The following PRELID2 variants were observed in gnomAD, a reference collection of about 807,000 sequenced individuals.
PRELID2 encodes PRELI domain containing 2, also known as PRELI domain-containing protein 2.
A neutral mutation model predicts 28.4 loss-of-function variants in PRELID2; 25 were observed. The ratio of observed to expected loss-of-function variants is 0.88; its 90% CI spans 0.64 to 1.23. PRELID2 has a LOEUF of 1.23. PRELID2 is among the 50% of genes most tolerant of loss of function. The pLI is 0.00. For missense variants in PRELID2, 201 were observed against 214.4 expected, an observed-to-expected ratio of 0.94 and a Z score of 0.39; for synonymous variants, 76 against 71.6, an observed-to-expected ratio of 1.06 and a Z score of -0.31.
chr5:145,536,033 GA>G (rs1362008899), intron 1 of PRELID2, among the ~76,000 whole-genome samples: 5 of 151,828 alleles, frequency 3.3e-5, no homozygotes, highest in Non-Finnish European at 7.4e-5. Context: ...GAAGTGCAAT[GA>G]AAAAAATACT....
At chr5:145,394,468 A>G in the PRELID2 span, among the ~76,000 whole-genome samples, 4 of 151,880 alleles carry the variant, frequency 2.6e-5, no homozygotes, top group Non-Finnish European at 4.4e-5. Flanking sequence ...GCATTAGGTG[A>G]TATACCTAAT....
chr5:145,448,188 A>C, the PRELID2 span, among the ~76,000 whole-genome samples: 1 of 151,476 alleles, frequency 6.6e-6, no homozygotes, highest in Non-Finnish European at 1.5e-5. Context: ...ATGGTATCTC[A>C]TTGTGGTTTT....
At chr5:145,415,803 A>G in the PRELID2 span, among the ~76,000 whole-genome samples, 2 of 151,980 alleles carry the variant, frequency 1.3e-5, no homozygotes, top group African/African-American at 2.4e-5. Context: ...CCCACTAATG[A>G]GATGGCTGGG....
chr5:145,741,044 A>G (rs1194530606), intron 1 of PRELID2, among the ~76,000 whole-genome samples: 8 of 117,998 alleles, frequency 6.8e-5, no homozygotes, highest in Non-Finnish European at 1.1e-4. Flanking sequence ...ATATTTGTAT[A>G]CAAATAAAAT....
At chr5:145,581,475 C>T (rs146337724) in intron 1 of PRELID2, among the ~76,000 whole-genome samples, 9 of 152,052 alleles carry the variant, frequency 5.9e-5, no homozygotes, top group African/African-American at 2.2e-4. Flanking sequence ...AGACAAGTCT[C>T]TTGCAGGTTT....
chr5:145,653,241 T>C (rs1741665159), intron 1 of PRELID2, among the ~76,000 whole-genome samples: 1 of 152,162 alleles, frequency 6.6e-6, no homozygotes, highest in Non-Finnish European at 1.5e-5. Context: ...AGCACCCAGA[T>C]TTATAAAGCA....
downstream of PRELID2, among the ~76,000 whole-genome samples, chr5:145,468,759 GTTGT>G (rs1157464100): frequency 1.3e-5 from 2 of 152,106 alleles, no homozygotes; most frequent in East Asian, 1.9e-4. Flanking sequence ...ACTTGATGGG[GTTGT>G]TTGTTTGTTT....
intron 4 of PRELID2, among the ~76,000 whole-genome samples, chr5:145,801,145 T>C (rs556200975): frequency 6.6e-6 from 1 of 152,326 alleles, no homozygotes; most frequent in African/African-American, 2.4e-5. Context: ...ATGTATTCCT[T>C]TGGCCATCAC....
chr5:145,604,787 A>G (rs1156299921), intron 1 of PRELID2, among the ~76,000 whole-genome samples: 2 of 106,178 alleles, frequency 1.9e-5, no homozygotes, highest in East Asian at 2.6e-4. Context: ...AGTAAAAGCT[A>G]TTCTAACTGG....
rs114839523 is a variant in PRELID2 at position 145,796,258 on chromosome 5, C to T, written c.474+184G>A. 1.1e-3 allele frequency: 458 copies of T among 407,928 alleles called. 2 individuals carry two copies. Among genetic ancestry groups the T allele is most frequent in the African/African-American group, 8.9e-3 (428 of 48,102 alleles). 25.3% of individuals were successfully genotyped at this position (407,928 alleles called of 1,614,324 possible). On this transcript the variant is annotated intron_variant, in intron 5 of 6. Transcript: ENST00000683046. ...TTTTAATTTAATGAGCCATAAATGCCACTTTAGTTTTACTTTGATTTGAAT... is the reference window on the plus strand; with the variant it reads ...TTTTAATTTAATGAGCCATAAATGCTACTTTAGTTTTACTTTGATTTGAAT...
At chr5:145,741,424 T>G (rs1186435411) in intron 1 of PRELID2, among the ~76,000 whole-genome samples, 3 of 115,038 alleles carry the variant, frequency 2.6e-5, no homozygotes, top group Non-Finnish European at 4.8e-5. Flanking sequence ...TATAATTTAT[T>G]TATATATAAA....
chr5:145,808,915 T>C (rs1348109188), intron 4 of PRELID2, among the ~76,000 whole-genome samples: 2 of 151,992 alleles, frequency 1.3e-5, no homozygotes. Context: ...AAAAGAACAG[T>C]TTCTCATCTC....
chr5:145,566,969 CAT>C (rs569041258), intron 1 of PRELID2, among the ~76,000 whole-genome samples: 10 of 151,718 alleles, frequency 6.6e-5, no homozygotes, highest in Admixed American at 1.3e-4. Flanking sequence ...CTATAATAAA[CAT>C]GTATTATTTA....
intron 4 of PRELID2, among the ~76,000 whole-genome samples, chr5:145,800,335 C>CA (rs10677473): frequency 6.7e-6 from 1 of 150,156 alleles, no homozygotes; most frequent in Non-Finnish European, 1.5e-5. Context: ...CACACACACA[C>CA]GAGTTATCCC....
intron 1 of PRELID2, among the ~76,000 whole-genome samples, chr5:145,583,489 G>A (rs1753125545): frequency 6.6e-6 from 1 of 152,030 alleles, no homozygotes; most frequent in Non-Finnish European, 1.5e-5. Context: ...TAGAAAGAGA[G>A]GACATCAAAT....
At chr5:145,566,866 CAAGAGA>C in intron 1 of PRELID2, among the ~76,000 whole-genome samples, 1 of 148,316 alleles carries the variant, frequency 6.7e-6, no homozygotes, top group African/African-American at 2.5e-5. Context: ...AAAGAGAGAG[CAAGAGA>C]AAGAGAAAGA....
At chr5:145,266,759 A>G in the PRELID2 span, among the ~76,000 whole-genome samples, 1 of 152,200 alleles carries the variant, frequency 6.6e-6, no homozygotes, top group African/African-American at 2.4e-5. Flanking sequence ...TAGCAGCACA[A>G]TTTACAATTG....
At chr5:145,666,271 AT>A (rs1754592619) in intron 1 of PRELID2, among the ~76,000 whole-genome samples, 1 of 152,030 alleles carries the variant, frequency 6.6e-6, no homozygotes, top group Non-Finnish European at 1.5e-5. Context: ...TCTGTCTTGG[AT>A]TATTTGCCCA....
At chr5:145,318,944 T>C in the PRELID2 span, among the ~76,000 whole-genome samples, 1 of 152,048 alleles carries the variant, frequency 6.6e-6, no homozygotes, top group East Asian at 1.9e-4. Flanking sequence ...GGAAAGGGGA[T>C]AGAATGGGAA....
Sources: allele counts gnomAD v4.1 joint callset (sites outside exome capture counted in the v4.1 genomes callset), GRCh38; gene constraint gnomAD v4.1.1; transcripts MANE v1.5; gene names NCBI Gene and HGNC (gene_info 2026-07-23, HGNC 2026-07-21).